Variants in PITPNC1 observed in about 807,000 individuals in gnomAD.
PITPNC1 encodes the protein phosphatidylinositol transfer protein cytoplasmic 1, also known as cytoplasmic phosphatidylinositol transfer protein 1.
In PITPNC1, 18 loss-of-function variants were observed where a neutral mutation model predicts 44.7. The ratio of observed to expected loss-of-function variants is 0.40; its 90% CI spans 0.28 to 0.60. The LOEUF is 0.60. Ranked by LOEUF, PITPNC1 falls within the 20% of genes least tolerant of loss-of-function variation. The pLI is 0.39. For synonymous variants in PITPNC1, 141 were observed against 149.6 expected, an observed-to-expected ratio of 0.94 and a Z score of 0.42; for missense variants, 290 against 418.4, an observed-to-expected ratio of 0.69 and a Z score of 2.68.
intron 1 of PITPNC1, among the ~76,000 whole-genome samples, chr17:67,499,885 T>C (rs944121072): frequency 2.0e-4 from 30 of 152,242 alleles, no homozygotes; most frequent in Admixed American, 1.6e-3. Flanking sequence ...CACACATTTC[T>C]CAGAACATAT....
intron 8 of PITPNC1, among the ~76,000 whole-genome samples, chr17:67,691,874 T>C (rs1393023938): frequency 6.6e-6 from 1 of 152,048 alleles, no homozygotes; most frequent in Non-Finnish European, 1.5e-5. Flanking sequence ...CCAGGCATTA[T>C]GGCATGCACC....
intron 8 of PITPNC1, among the ~76,000 whole-genome samples, chr17:67,683,200 A>G (rs373725457): frequency 6.6e-6 from 1 of 151,556 alleles, no homozygotes; most frequent in East Asian, 1.9e-4. Context: ...GTTGATACAC[A>G]TAAGCATTTG....
At chr17:67,631,221 G>C (rs977398382) in intron 5 of PITPNC1, among the ~76,000 whole-genome samples, 1 of 151,434 alleles carries the variant, frequency 6.6e-6, no homozygotes, top group African/African-American at 2.4e-5. Context: ...GCCCTTAAAT[G>C]ATCAAGAAAA....
chr17:67,627,996 G>A (rs527987319), intron 5 of PITPNC1, among the ~76,000 whole-genome samples: 14 of 145,882 alleles, frequency 9.6e-5, no homozygotes, highest in African/African-American at 3.1e-4. Flanking sequence ...GCACAATCTC[G>A]GCTCACTGCA....
intron 5 of PITPNC1, among the ~76,000 whole-genome samples, chr17:67,600,793 A>T (rs1218018267): frequency 6.6e-6 from 1 of 151,418 alleles, no homozygotes; most frequent in East Asian, 2.0e-4. Flanking sequence ...TTTTAATGCA[A>T]TTACTTTTGC....
At chr17:67,519,997 C>T (rs1453307733) in intron 1 of PITPNC1, among the ~76,000 whole-genome samples, 1 of 152,198 alleles carries the variant, frequency 6.6e-6, no homozygotes, top group East Asian at 1.9e-4. Context: ...CCTGAAGCAG[C>T]AAGTGCTTCT....
At chr17:67,428,320 C>G (rs1871360686) in intron 1 of PITPNC1, among the ~76,000 whole-genome samples, 1 of 152,066 alleles carries the variant, frequency 6.6e-6, no homozygotes, top group Non-Finnish European at 1.5e-5. Flanking sequence ...GAGAGGATCA[C>G]TTGAGCCCAG....
chr17:67,511,045 T>C (rs2040178206), intron 1 of PITPNC1, among the ~76,000 whole-genome samples: 1 of 152,180 alleles, frequency 6.6e-6, no homozygotes, highest in African/African-American at 2.4e-5. Flanking sequence ...ATTTTTCTTT[T>C]TCTATTCATA....
intron 1 of PITPNC1, among the ~76,000 whole-genome samples, chr17:67,527,696 A>C (rs576999636): frequency 6.6e-6 from 1 of 151,298 alleles, no homozygotes; most frequent in South Asian, 2.1e-4. Flanking sequence ...GCGAGACTCC[A>C]TCTCAAAAAC....
intron 5 of PITPNC1, among the ~76,000 whole-genome samples, chr17:67,579,540 G>A (rs1261685115): frequency 1.3e-5 from 2 of 151,684 alleles, no homozygotes; most frequent in Admixed American, 1.3e-4. Flanking sequence ...CGCGTTGCTG[G>A]CCAAATTCAT....
chr17:67,684,504 A>G (rs1461570953), intron 8 of PITPNC1, among the ~76,000 whole-genome samples: 4 of 152,156 alleles, frequency 2.6e-5, no homozygotes, highest in South Asian at 2.1e-4. Context: ...GTAGATAAGC[A>G]AAAAGAAGGA....
At chr17:67,555,536 T>C (rs1269928417) in intron 4 of PITPNC1, among the ~76,000 whole-genome samples, 2 of 151,656 alleles carry the variant, frequency 1.3e-5, no homozygotes, top group Non-Finnish European at 2.9e-5. Flanking sequence ...CATCAAGAGG[T>C]AGACTTTGGG....
intron 1 of PITPNC1, among the ~76,000 whole-genome samples, chr17:67,530,777 C>T (rs538380783): frequency 3.3e-5 from 5 of 152,172 alleles, no homozygotes; most frequent in Admixed American, 1.3e-4. Flanking sequence ...GTGTGCCCAT[C>T]TGTATAAGGT....
intron 1 of PITPNC1, among the ~76,000 whole-genome samples, chr17:67,442,641 G>C (rs2039032412): frequency 1.3e-5 from 2 of 151,748 alleles, no homozygotes; most frequent in African/African-American, 4.8e-5. Flanking sequence ...CCAGGAGTTT[G>C]AGACCAGCCT....
chr17:67,583,574 C>T (rs1160307047), intron 5 of PITPNC1, among the ~76,000 whole-genome samples: 2 of 131,876 alleles, frequency 1.5e-5, no homozygotes, highest in African/African-American at 3.0e-5. Context: ...GGCAACAGAG[C>T]GAGACTCCTT....
intron 1 of PITPNC1, among the ~76,000 whole-genome samples, chr17:67,492,644 GAA>G (rs2039879496): frequency 6.6e-6 from 1 of 152,064 alleles, no homozygotes; most frequent in South Asian, 2.1e-4. Flanking sequence ...CAAAACCCTG[GAA>G]ACTCCCCCTC....
Position 67,669,497 on chromosome 17 carries a change from T to C in PITPNC1, c.463-11T>C. On this transcript the variant is annotated splice_polypyrimidine_tract_variant and intron_variant, in intron 6 of 8. Coordinates refer to ENST00000581322, the MANE Select transcript of PITPNC1 (RefSeq NM_012417.4). ...TTAATATATCAATTTCTTTGATTTT[T>C]TTTTTTCTAGGATCCTAAGCACTTC... 2 of 1,553,496 alleles carry C rather than the reference T, an allele frequency of 1.3e-6. No homozygotes were observed. Among genetic ancestry groups the C allele is most frequent in the Non-Finnish European group, 1.7e-6 (2 of 1,150,950 alleles).
At chr17:67,500,669 T>G (rs2040014870) in intron 1 of PITPNC1, among the ~76,000 whole-genome samples, 1 of 151,962 alleles carries the variant, frequency 6.6e-6, no homozygotes, top group Admixed American at 6.6e-5. Flanking sequence ...AGATTTTTTT[T>G]TTTTTTTAAT....
intron 1 of PITPNC1, among the ~76,000 whole-genome samples, chr17:67,509,564 A>AATAAT (rs1343032361): frequency 6.3e-5 from 8 of 126,174 alleles, no homozygotes; most frequent in African/African-American, 2.7e-4. Context: ...AATTAAAAAT[A>AATAAT]AATAAATAAA....
Sources: gnomAD v4.1 joint callset for allele counts (sites outside exome capture counted in the v4.1 genomes callset) on GRCh38, gnomAD v4.1.1 for gene constraint, MANE v1.5 for transcripts, NCBI Gene and HGNC (gene_info 2026-07-23, HGNC 2026-07-21) for gene names.